The following ADIPOR2 variants were observed in gnomAD, a reference collection of about 807,000 sequenced individuals.
The protein encoded by ADIPOR2 is adiponectin receptor protein 2.
ADIPOR2 carries 18 observed loss-of-function variants against 40.9 expected under a neutral mutation model. The ratio of observed to expected loss-of-function variants is 0.44; its 90% CI spans 0.30 to 0.65. The LOEUF (loss-of-function observed/expected upper bound fraction) is 0.65. Among genes scored for constraint, ADIPOR2 ranks in the 30% least tolerant of loss-of-function variants. The probability of loss-of-function intolerance (pLI) is 0.09; values close to 1 mark genes in which losing one functional copy is unlikely to be tolerated. For missense variants in ADIPOR2, 283 were observed against 479.2 expected (o/e 0.59, Z 3.82); for synonymous variants, 165 against 166.4 (o/e 0.99, Z 0.06).
chr12:1,775,808 T>C lies in ADIPOR2; in HGVS notation c.292-2046T>C, dbSNP rs372981214. On this transcript the variant is annotated intron_variant, in intron 3 of 7. Transcript: ENST00000357103. ...CACTAAAAGAAGCAGACTGCAGAGG[T>C]TGACAGACTTCCAGCAGTTCCAACA... Among the ~76,000 whole-genome samples, 19 of 152,182 alleles carry C rather than the reference T, an allele frequency of 1.2e-4. No individual in the cohort carries two copies. In the East Asian group the frequency reaches 1.9e-3, roughly 15 times the overall value.
chr12:1,698,821 T>C (rs774422078), intron 1 of ADIPOR2, among the ~76,000 whole-genome samples: 3 of 152,142 alleles, frequency 2.0e-5, no homozygotes, highest in Admixed American at 6.5e-5. Context: ...ATGTAAACTC[T>C]CACCAGAAAT....
chr12:1,731,496 A>G (rs2094720265), intron 1 of ADIPOR2, among the ~76,000 whole-genome samples: 1 of 152,174 alleles, frequency 6.6e-6, no homozygotes, highest in Non-Finnish European at 1.5e-5. Context: ...TGCGCATTAT[A>G]CAATAACTCC....
At chr12:1,710,854 A>G (rs1218941949) in intron 1 of ADIPOR2, among the ~76,000 whole-genome samples, 1 of 152,128 alleles carries the variant, frequency 6.6e-6, no homozygotes. Context: ...TTGTAAGACC[A>G]TCTATAGCTT....
intron 1 of ADIPOR2, among the ~76,000 whole-genome samples, chr12:1,721,571 A>G (rs1470206155): frequency 6.6e-6 from 1 of 152,244 alleles, no homozygotes; most frequent in Non-Finnish European, 1.5e-5. Flanking sequence ...CAGGGTTCAC[A>G]GAGTAAAGAA....
chr12:1,757,883 G>T, intron 2 of ADIPOR2: 1 of 815,670 alleles, frequency 1.2e-6, no homozygotes. Context: ...GGAATATGAT[G>T]GGGAGACACT....
At chr12:1,709,392 A>T (rs1255035628) in intron 1 of ADIPOR2, among the ~76,000 whole-genome samples, 1 of 152,008 alleles carries the variant, frequency 6.6e-6, no homozygotes, top group African/African-American at 2.4e-5. Context: ...CATTTTTTCC[A>T]ATTTGGTGCT....
At chr12:1,764,860 G>T (rs1457920158) in intron 2 of ADIPOR2, among the ~76,000 whole-genome samples, 6 of 151,974 alleles carry the variant, frequency 3.9e-5, no homozygotes, top group Admixed American at 6.6e-5. Flanking sequence ...TATTTTCTGG[G>T]TATAGCTGTA....
chr12:1,749,338 G>A (rs2094763870), intron 1 of ADIPOR2, among the ~76,000 whole-genome samples: 1 of 152,156 alleles, frequency 6.6e-6, no homozygotes, highest in Non-Finnish European at 1.5e-5. Context: ...AGAGTCTTAA[G>A]ACCCGCAATC....
At chr12:1,746,085 T>TTTTTTTA (rs1337012419) in intron 1 of ADIPOR2, among the ~76,000 whole-genome samples, 55 of 152,274 alleles carry the variant, frequency 3.6e-4, no homozygotes, top group Middle Eastern at 6.8e-3. Context: ...CTAAAAAATA[T>TTTTTTTA]GATCTATTTT....
At chr12:1,728,755 G>T (rs1185889015) in intron 1 of ADIPOR2, among the ~76,000 whole-genome samples, 2 of 151,890 alleles carry the variant, frequency 1.3e-5, no homozygotes, top group Non-Finnish European at 2.9e-5. Flanking sequence ...ATAAATAAAA[G>T]AAAGCTCTGC....
chr12:1,731,499 A>G (rs1349844566), intron 1 of ADIPOR2, among the ~76,000 whole-genome samples: 2 of 152,304 alleles, frequency 1.3e-5, no homozygotes, highest in East Asian at 1.9e-4. Flanking sequence ...GCATTATACA[A>G]TAACTCCTCA....
intron 1 of ADIPOR2, among the ~76,000 whole-genome samples, chr12:1,740,159 A>T (rs958523476): frequency 6.6e-6 from 1 of 152,188 alleles, no homozygotes; most frequent in Admixed American, 6.5e-5. Flanking sequence ...GATGATGCCT[A>T]CCTTGAATGG....
At chr12:1,699,533 C>T (rs1465408134) in intron 1 of ADIPOR2, among the ~76,000 whole-genome samples, 14 of 152,194 alleles carry the variant, frequency 9.2e-5, no homozygotes. Flanking sequence ...TGCCTGTAAT[C>T]CCTGCTACTT....
chr12:1,695,033 G>GTT (rs1337852552), intron 1 of ADIPOR2, among the ~76,000 whole-genome samples: 3 of 67,538 alleles, frequency 4.4e-5, no homozygotes, highest in Admixed American at 2.3e-4. Context: ...TTTTTGTTTT[G>GTT]TTTTTTTAAG....
chr12:1,740,434 T>A (rs2094740256), intron 1 of ADIPOR2, among the ~76,000 whole-genome samples: 1 of 152,196 alleles, frequency 6.6e-6, no homozygotes, highest in South Asian at 2.1e-4. Flanking sequence ...GGGCCTTTCC[T>A]CTGGGCATGT....
At chr12:1,762,500 A>G (rs1862291267) in intron 2 of ADIPOR2, among the ~76,000 whole-genome samples, 2 of 152,180 alleles carry the variant, frequency 1.3e-5, no homozygotes, top group Non-Finnish European at 2.9e-5. Flanking sequence ...ACAAATATAA[A>G]GTTCTGTGTC....
chr12:1,746,651 G>C (rs2094755664), intron 1 of ADIPOR2, among the ~76,000 whole-genome samples: 1 of 152,152 alleles, frequency 6.6e-6, no homozygotes, highest in Non-Finnish European at 1.5e-5. Context: ...TTGAGCAACA[G>C]ACAGATCTAA....
At chr12:1,698,889 A>G (rs1254237388) in intron 1 of ADIPOR2, among the ~76,000 whole-genome samples, 1 of 151,998 alleles carries the variant, frequency 6.6e-6, no homozygotes, top group East Asian at 1.9e-4. Context: ...ATCTTTGTTT[A>G]TCTGATAGGA....
chr12:1,691,383 G>A (rs768013657), intron 1 of ADIPOR2, among the ~76,000 whole-genome samples, 192 bp downstream of exon 1: 1 of 152,174 alleles, frequency 6.6e-6, no homozygotes, highest in Non-Finnish European at 1.5e-5. Context: ...GGCGCGCCTT[G>A]GCCTGAGGGT....
Sources: allele counts gnomAD v4.1 joint callset (sites outside exome capture counted in the v4.1 genomes callset), GRCh38; gene constraint gnomAD v4.1.1; transcripts MANE v1.5; gene names NCBI Gene and HGNC (gene_info 2026-07-23, HGNC 2026-07-21).